Variants in FAM81A observed in about 807,000 individuals in gnomAD.
The protein encoded by FAM81A is protein FAM81A.
In FAM81A, 19 loss-of-function variants were observed where a neutral mutation model predicts 46.7. The observed-to-expected ratio is 0.41, with a 90% CI of 0.28 to 0.60. FAM81A has a LOEUF of 0.60. Ranked by LOEUF, FAM81A falls within the 20% of genes least tolerant of loss-of-function variation. The pLI is 0.34. For synonymous variants in FAM81A, 183 were observed against 152.9 expected (o/e 1.20, Z -1.45); for missense variants, 377 against 453.5 (o/e 0.83, Z 1.53).
At chr15:59,478,355 A>G (rs2081800729) in intron 3 of FAM81A, among the ~76,000 whole-genome samples, 1 of 152,174 alleles carries the variant, frequency 6.6e-6, no homozygotes, top group African/African-American at 2.4e-5. Flanking sequence ...GTAGTTTGCT[A>G]GTTTAATAAT....
At chr15:59,406,860 CT>C (rs1488084518) in intron 2 of FAM81A, 4 of 149,810 alleles carry the variant, frequency 2.7e-5, no homozygotes, top group African/African-American at 9.8e-5. Flanking sequence ...TGTAACTCCA[CT>C]TTTGCAAGAC....
At chr15:59,514,595 A>G (rs553340831) in intron 7 of FAM81A, among the ~76,000 whole-genome samples, 171 bp downstream of exon 7, 1 of 152,368 alleles carries the variant, frequency 6.6e-6, no homozygotes, top group Non-Finnish European at 1.5e-5. Flanking sequence ...ATAAAGACAT[A>G]GAACACTCTG....
intron 8 of FAM81A, 66 bp downstream of exon 8, chr15:59,516,906 A>G: frequency 2.1e-6 from 3 of 1,404,336 alleles, no homozygotes; most frequent in Middle Eastern, 2.1e-4. Context: ...ATTAATTAGT[A>G]TCCCCTGCAA....
intron 6 of FAM81A, among the ~76,000 whole-genome samples, 192 bp from the exon 7 acceptor site, chr15:59,514,097 G>A (rs1434702123): frequency 6.6e-6 from 1 of 152,118 alleles, no homozygotes; most frequent in African/African-American, 2.4e-5. Context: ...GCAAGGGAGA[G>A]CATCAGGAAA....
intron 4 of FAM81A, among the ~76,000 whole-genome samples, chr15:59,500,744 T>G (rs946711047): frequency 2.0e-5 from 3 of 152,078 alleles, no homozygotes; most frequent in Non-Finnish European, 4.4e-5. Context: ...GCCACCTATT[T>G]TCAAGTTCAC....
chr15:59,408,998 G>A (rs1052934060), intron 2 of FAM81A: 1 of 152,078 alleles, frequency 6.6e-6, no homozygotes, highest in Non-Finnish European at 1.5e-5. Flanking sequence ...TCTTGCTACT[G>A]TACTTGACTA....
chr15:59,418,909 A>T (rs2081158639), intron 2 of FAM81A, among the ~76,000 whole-genome samples: 1 of 152,236 alleles, frequency 6.6e-6, no homozygotes, highest in Admixed American at 6.5e-5. Context: ...ACAATTAATG[A>T]TGACCAGTGT....
chr15:59,502,317 A>T (rs2082100322), intron 4 of FAM81A, among the ~76,000 whole-genome samples: 1 of 151,702 alleles, frequency 6.6e-6, no homozygotes, highest in Non-Finnish European at 1.5e-5. Flanking sequence ...TATCTCCTAA[A>T]GCTATCCCTT....
chr15:59,425,316 T>C (rs2141557430), intron 2 of FAM81A, among the ~76,000 whole-genome samples: 1 of 152,282 alleles, frequency 6.6e-6, no homozygotes, highest in East Asian at 1.9e-4. Context: ...ATCATCGACT[T>C]GGTGAGAGAT....
Position 59,507,226 on chromosome 15 carries a change from A to G in FAM81A, c.427A>G (p.Ile143Val). The G allele has an allele frequency of 6.2e-7, 1 of 1,611,096 alleles. No homozygotes were observed. Residue 143 changes from isoleucine (I) to valine (V), a missense_variant, in exon 5 of 9, where the codon ATA (isoleucine) becomes GTA (valine). Transcript: ENST00000288228. ...RGRVARCDAS[I>V]ARLSAEHKTT... ...TTGTCTGGACAGATGTGATGCCAGCATAGCTAGACTTTCTGCAGAGCACAA... is the reference window on the plus strand; with the variant it reads ...TTGTCTGGACAGATGTGATGCCAGCGTAGCTAGACTTTCTGCAGAGCACAA...
At chr15:59,403,374 A>G (rs1490113384) in intron 2 of FAM81A, among the ~76,000 whole-genome samples, 3 of 152,210 alleles carry the variant, frequency 2.0e-5, no homozygotes, top group Non-Finnish European at 4.4e-5. Context: ...AGAGAGAGAC[A>G]TCCGAGCTCC....
chr15:59,468,675 A>G (rs1234473315), intron 3 of FAM81A, among the ~76,000 whole-genome samples: 1 of 147,192 alleles, frequency 6.8e-6, no homozygotes, highest in Non-Finnish European at 1.5e-5. Context: ...TCCTGGATTC[A>G]TTGATTTTTT....
Position 59,508,854 on chromosome 15 carries a change from C to T in FAM81A, c.544-9C>T. ...GATGTGATATTTATAAGCAAGATTT[C>T]TTTTCCAGATTTCTCAGCTTTTGAA... On this transcript the variant is annotated splice_polypyrimidine_tract_variant and intron_variant, in intron 5 of 8. Coordinates refer to ENST00000288228, the MANE Select transcript of FAM81A (RefSeq NM_152450.3). 6.2e-7 allele frequency: 1 copy of T among 1,605,790 alleles called. No homozygotes were observed. Among genetic ancestry groups the T allele is most frequent in the Non-Finnish European group, 8.5e-7 (1 of 1,176,218 alleles).
intron 8 of FAM81A, among the ~76,000 whole-genome samples, chr15:59,518,211 C>T (rs1483861737): frequency 6.6e-6 from 1 of 151,348 alleles, no homozygotes; most frequent in African/African-American, 2.4e-5. Context: ...CCCCCAACCT[C>T]AAATGATCCT....
chr15:59,409,185 T>C (rs1345839280), intron 2 of FAM81A, among the ~76,000 whole-genome samples: 5 of 152,100 alleles, frequency 3.3e-5, no homozygotes, highest in Non-Finnish European at 7.4e-5. Flanking sequence ...CTTACAGACA[T>C]GCAAGGTTTG....
chr15:59,458,049 A>G (rs1017797847), intron 1 of FAM81A, among the ~76,000 whole-genome samples: 4 of 152,216 alleles, frequency 2.6e-5, no homozygotes, highest in African/African-American at 9.6e-5. Context: ...ATCTTCCCAC[A>G]AATCAGATCA....
intron 1 of FAM81A, among the ~76,000 whole-genome samples, chr15:59,456,594 T>C (rs577063040): frequency 6.6e-6 from 1 of 152,134 alleles, no homozygotes; most frequent in African/African-American, 2.4e-5. Flanking sequence ...TGTTTGTATT[T>C]GAGACAGAGT....
intron 3 of FAM81A, among the ~76,000 whole-genome samples, chr15:59,489,299 A>G (rs1397591861): frequency 6.7e-6 from 1 of 148,356 alleles, no homozygotes; most frequent in African/African-American, 2.6e-5. Context: ...ACATACATAC[A>G]TACATACATA....
At chr15:59,433,742 T>C (rs2081231209), upstream of FAM81A, among the ~76,000 whole-genome samples, 1 of 152,264 alleles carries the variant, frequency 6.6e-6, no homozygotes, top group South Asian at 2.1e-4. Flanking sequence ...TTGTGTTAAT[T>C]GGTTATTAAC....
Sources: allele counts gnomAD v4.1 joint callset (sites outside exome capture counted in the v4.1 genomes callset), GRCh38; gene constraint gnomAD v4.1.1; transcripts MANE v1.5; gene names NCBI Gene and HGNC (gene_info 2026-07-23, HGNC 2026-07-21).